Variants in CSMD1 observed in about 807,000 individuals in gnomAD.
CSMD1 encodes CUB and sushi domain-containing protein 1.
A neutral mutation model predicts 417.5 loss-of-function variants in CSMD1; 213 were observed. The observed-to-expected ratio is 0.51, with a 90% CI of 0.46 to 0.57. CSMD1 has a LOEUF of 0.57. CSMD1 is among the 20% of genes least tolerant of loss of function. CSMD1 has a pLI of 0.00. For synonymous variants in CSMD1, 2,862 were observed against 1,736.8 expected (o/e 1.65, Z -16.11); for missense variants, 6,923 against 4,529.7 (o/e 1.53, Z -15.17).
chr8:3,278,506 C>A (rs574768092), intron 26 of CSMD1: 1 of 152,124 alleles, frequency 6.6e-6, no homozygotes, highest in Non-Finnish European at 1.5e-5. Context: ...AATGGCCACA[C>A]TTAAAACATC....
chr8:3,396,150 A>G, intron 17 of CSMD1, 44 bp downstream of exon 17: 1 of 1,500,746 alleles, frequency 6.7e-7, no homozygotes, highest in Non-Finnish European at 9.1e-7. Context: ...TAGTTCTCCC[A>G]TGCATGCTGC....
intron 5 of CSMD1, among the ~76,000 whole-genome samples, chr8:3,806,170 G>T (rs1428419504): frequency 6.6e-6 from 1 of 152,146 alleles, no homozygotes; most frequent in African/African-American, 2.4e-5. Flanking sequence ...CATCATATAA[G>T]ATACCTTGGG....
intron 16 of CSMD1, among the ~76,000 whole-genome samples, chr8:3,397,325 G>A (rs888508822): frequency 6.6e-6 from 1 of 152,172 alleles, no homozygotes; most frequent in Non-Finnish European, 1.5e-5. Context: ...GAAAACTTGG[G>A]AGAGGGGAAG....
chr8:4,056,668 C>A (rs371720120), intron 3 of CSMD1, among the ~76,000 whole-genome samples: 2 of 151,934 alleles, frequency 1.3e-5, no homozygotes, highest in Admixed American at 6.6e-5. Flanking sequence ...TATATCTCCT[C>A]ATGCTATCCC....
At chr8:3,978,461 T>C (rs184283317) in intron 5 of CSMD1, among the ~76,000 whole-genome samples, 7 of 152,168 alleles carry the variant, frequency 4.6e-5, no homozygotes, top group Admixed American at 2.0e-4. Context: ...ACAGGCATTA[T>C]TGTAAGAAAT....
chr8:4,230,258 TTGAG>T (rs1002633862), intron 3 of CSMD1, among the ~76,000 whole-genome samples: 2 of 152,216 alleles, frequency 1.3e-5, no homozygotes, highest in Admixed American at 6.5e-5. Flanking sequence ...ATTTATATCG[TTGAG>T]TATCTTATAT....
At chr8:4,822,832 G>C (rs756248697) in intron 1 of CSMD1, among the ~76,000 whole-genome samples, 1 of 151,924 alleles carries the variant, frequency 6.6e-6, no homozygotes, top group South Asian at 2.1e-4. Flanking sequence ...TATGTATTTT[G>C]TCCCTTCTGT....
At chr8:3,703,511 T>C (rs759782418) in intron 7 of CSMD1, among the ~76,000 whole-genome samples, 17 of 152,058 alleles carry the variant, frequency 1.1e-4, no homozygotes, top group Non-Finnish European at 2.2e-4. Context: ...ACTGGTAGCT[T>C]GGGCTGTCAG....
chr8:3,365,764 G>A (rs937002572), intron 20 of CSMD1, among the ~76,000 whole-genome samples: 5 of 152,202 alleles, frequency 3.3e-5, no homozygotes, highest in Admixed American at 2.6e-4. Context: ...GTTTTCCACT[G>A]TGTGGGGGTT....
At chr8:4,387,894 C>T (rs752260033) in intron 3 of CSMD1, among the ~76,000 whole-genome samples, 1 of 151,842 alleles carries the variant, frequency 6.6e-6, no homozygotes, top group African/African-American at 2.4e-5. Flanking sequence ...TCGTATCTGC[C>T]AAGATTATAT....
chr8:3,727,939 G>C (rs79627898), intron 6 of CSMD1, among the ~76,000 whole-genome samples: 6,960 of 152,166 alleles, frequency 0.046, 216 homozygotes, highest in Non-Finnish European at 0.072. Flanking sequence ...CAGGGAGGAG[G>C]GGGTATGGGT....
chr8:3,619,287 T>A (rs2117183746), intron 7 of CSMD1, among the ~76,000 whole-genome samples: 1 of 152,296 alleles, frequency 6.6e-6, no homozygotes, highest in Admixed American at 6.5e-5. Flanking sequence ...CAGTCCAGGT[T>A]GATCTCAACG....
intron 33 of CSMD1, among the ~76,000 whole-genome samples, chr8:3,198,260 T>C (rs946688278): frequency 1.2e-4 from 19 of 152,194 alleles, no homozygotes; most frequent in Non-Finnish European, 2.8e-4. Context: ...AAGCCCCTTA[T>C]AAAGGCAGAC....
At position 2,951,118 on chromosome 8, in the gene CSMD1, C is replaced by T. The variant is rs200825245; in HGVS notation, c.10197G>A (p.Leu3399=). ...FSEASPVELK[L]TGIYKKEEAH... ...AGTGAATTCTTCGGGACCTACCTGT[C>T]AACTTCAGCTCCACTGGCGAGGCTT... is the stretch of plus-strand genomic sequence containing the variant. The change falls in exon 66 of 70, where the codon TTG becomes TTA. Residue 3399 remains leucine (L), a synonymous_variant. Coordinates refer to ENST00000635120, the MANE Select transcript of CSMD1 (RefSeq NM_033225.6). 176 of 1,611,820 alleles carry T rather than the reference C, an allele frequency of 1.1e-4. No individual in the cohort carries two copies. The highest frequency in any genetic ancestry group is 9.1e-5 in the Non-Finnish European group (107 of 1,178,966).
chr8:4,091,986 G>C (rs184070252), intron 3 of CSMD1, among the ~76,000 whole-genome samples: 9 of 152,082 alleles, frequency 5.9e-5, no homozygotes, highest in Non-Finnish European at 1.0e-4. Context: ...CATTTTATGC[G>C]CCTAAAAAGT....
chr8:4,889,372 G>C (rs1803957635), intron 1 of CSMD1, among the ~76,000 whole-genome samples: 1 of 152,100 alleles, frequency 6.6e-6, no homozygotes, highest in Non-Finnish European at 1.5e-5. Context: ...TGAAAGATAA[G>C]GAAGACTGAG....
Position 4,668,415 on chromosome 8 carries a change from CATTATTATTATTATT to C in CSMD1, c.86-30872_86-30858del, listed in dbSNP as rs35735246. Among the ~76,000 whole-genome samples the C allele has an allele frequency of 3.4e-3, 447 of 129,992 alleles. 3 individuals are homozygous for C. Among genetic ancestry groups the C allele is most frequent in the African/African-American group, 0.012 (409 of 34,732 alleles). The allele number at this position is 129,992 out of a possible 152,430, so 85.3% of individuals were successfully genotyped here. ...ACTCTAACTTGCTTTTGATGTTTTC[CATTATTATTATTATT>C]ATTATTATTATTATTATTATTATTA... On this transcript the variant is annotated intron_variant, in intron 1 of 69. Transcript: ENST00000635120.
chr8:3,355,152 T>C (rs1306416043), intron 21 of CSMD1, among the ~76,000 whole-genome samples: 5 of 151,726 alleles, frequency 3.3e-5, no homozygotes, highest in African/African-American at 1.2e-4. Flanking sequence ...ATAGAGTTAA[T>C]ACAGTTAATC....
intron 3 of CSMD1, among the ~76,000 whole-genome samples, chr8:4,111,584 C>G (rs1465309060): frequency 6.6e-6 from 1 of 152,108 alleles, no homozygotes; most frequent in Non-Finnish European, 1.5e-5. Context: ...GAATACTATG[C>G]AAACATAAAA....
Sources: allele counts gnomAD v4.1 joint callset (sites outside exome capture counted in the v4.1 genomes callset), GRCh38; gene constraint gnomAD v4.1.1; transcripts MANE v1.5; gene names NCBI Gene and HGNC (gene_info 2026-07-23, HGNC 2026-07-21).